RUFY2: variants seen among roughly 807,000 people sequenced by gnomAD.
The protein encoded by RUFY2 is RUN and FYVE domain containing 2.
In RUFY2, 49 loss-of-function variants were observed where a neutral mutation model predicts 94.4. That is an observed-to-expected ratio of 0.52 (90% confidence interval 0.41 to 0.66). The LOEUF (loss-of-function observed/expected upper bound fraction) is 0.66. RUFY2 is among the 30% of genes least tolerant of loss of function. RUFY2 has a pLI of 0.00. For synonymous variants in RUFY2, 255 were observed against 235.7 expected, an observed-to-expected ratio of 1.08 and a Z score of -0.75; for missense variants, 541 against 692.8, an observed-to-expected ratio of 0.78 and a Z score of 2.46.
intron 16 of RUFY2, among the ~76,000 whole-genome samples, chr10:68,348,668 T>C (rs1210416013): frequency 6.6e-6 from 1 of 152,144 alleles, no homozygotes; most frequent in Non-Finnish European, 1.5e-5. Flanking sequence ...GAAACAACCT[T>C]GCTGACATGG....
At chr10:68,390,390 A>C (rs2132999804) in intron 7 of RUFY2, among the ~76,000 whole-genome samples, 1 of 152,294 alleles carries the variant, frequency 6.6e-6, no homozygotes, top group East Asian at 1.9e-4. Flanking sequence ...TAATCCTATC[A>C]CCCAGAGAAT....
chr10:68,369,669 C>G (rs2048117423), intron 13 of RUFY2, among the ~76,000 whole-genome samples: 1 of 152,062 alleles, frequency 6.6e-6, no homozygotes, highest in South Asian at 2.1e-4. Context: ...CACCTGTAAT[C>G]CAAGCACTTT....
At chr10:68,360,821 C>A (rs1335196147) in intron 15 of RUFY2, among the ~76,000 whole-genome samples, 1 of 151,756 alleles carries the variant, frequency 6.6e-6, no homozygotes, top group African/African-American at 2.4e-5. Context: ...ATTTTCAAAC[C>A]CAGTAAGTGG....
intron 3 of RUFY2, among the ~76,000 whole-genome samples, chr10:68,399,014 A>G (rs894515503): frequency 1.3e-5 from 2 of 152,060 alleles, no homozygotes; most frequent in Admixed American, 6.6e-5. Flanking sequence ...ATCAATTGTG[A>G]ACAAATATCA....
intron 13 of RUFY2, among the ~76,000 whole-genome samples, chr10:68,375,264 G>A (rs2048548184): frequency 7.4e-6 from 1 of 135,608 alleles, no homozygotes; most frequent in Non-Finnish European, 1.5e-5. Flanking sequence ...TAAATGATAA[G>A]AACTTACGAA....
intron 7 of RUFY2, among the ~76,000 whole-genome samples, chr10:68,387,726 C>A (rs570265417): frequency 6.0e-5 from 8 of 132,512 alleles, no homozygotes; most frequent in African/African-American, 1.8e-4. Flanking sequence ...TAAAACCAGC[C>A]AGGCACAGTG....
chr10:68,358,886 G>A lies in RUFY2; in HGVS notation c.1551-3485C>T, dbSNP rs149119152. ...AGATCACGCCACTGCACTCCAGCCTGGGCGACAGAGCAACACTCGGTCTTA... is the reference window on the plus strand; with the variant it reads ...AGATCACGCCACTGCACTCCAGCCTAGGCGACAGAGCAACACTCGGTCTTA... On this transcript the variant is annotated intron_variant, in intron 15 of 17. Coordinates refer to ENST00000602465, the MANE Select transcript of RUFY2 (RefSeq NM_001330103.2). Among the ~76,000 whole-genome samples, 770 of 152,192 alleles carry A rather than the reference G, an allele frequency of 5.1e-3. 4 individuals carry two copies. Among genetic ancestry groups the A allele is most frequent in the African/African-American group, 0.017 (716 of 41,538 alleles).
At chr10:68,387,145 T>G (rs2049564526) in intron 7 of RUFY2, among the ~76,000 whole-genome samples, 1 of 151,838 alleles carries the variant, frequency 6.6e-6, no homozygotes, top group Non-Finnish European at 1.5e-5. Context: ...TCACCTGAAG[T>G]CAGGAGTTGG....
chr10:68,386,767 C>G (rs1374885043), intron 7 of RUFY2, among the ~76,000 whole-genome samples: 1 of 152,142 alleles, frequency 6.6e-6, no homozygotes, highest in Non-Finnish European at 1.5e-5. Context: ...AAAGGATGAG[C>G]TTTAAATGTC....
At chr10:68,363,493 T>G in intron 15 of RUFY2, 97 bp downstream of exon 15, 1 of 760,318 alleles carries the variant, frequency 1.3e-6, no homozygotes, top group Non-Finnish European at 2.1e-6. Flanking sequence ...TTCGTATCTT[T>G]CCTATATTTA....
chr10:68,383,436 T>C (rs1250672359), intron 10 of RUFY2, among the ~76,000 whole-genome samples: 3 of 151,988 alleles, frequency 2.0e-5, no homozygotes, highest in Admixed American at 6.6e-5. Context: ...CTGGCCAACA[T>C]GGTGAAACCC....
intron 7 of RUFY2, among the ~76,000 whole-genome samples, chr10:68,388,342 A>G (rs570182936): frequency 1.3e-5 from 2 of 152,114 alleles, no homozygotes; most frequent in East Asian, 3.9e-4. Context: ...ACGTGTCTGT[A>G]ATCCCAGCTA....
downstream of RUFY2, chr10:68,341,868 C>G: frequency 6.2e-7 from 1 of 1,600,600 alleles, no homozygotes; most frequent in Non-Finnish European, 8.6e-7. Flanking sequence ...ATCTCTAGTT[C>G]AGTTTGTGTT....
chr10:68,364,583 A>T (rs2047671972), intron 13 of RUFY2, among the ~76,000 whole-genome samples: 1 of 152,202 alleles, frequency 6.6e-6, no homozygotes, highest in African/African-American at 2.4e-5. Context: ...CGGCAAAATC[A>T]GCCCTGTTGC....
chr10:68,356,229 C>T (rs1306209866), intron 15 of RUFY2, among the ~76,000 whole-genome samples: 2 of 151,652 alleles, frequency 1.3e-5, no homozygotes, highest in African/African-American at 2.4e-5. Flanking sequence ...GTGAGCCAGG[C>T]GCGGTGGCTC....
chr10:68,359,293 T>TGTATATATACATATATAC (rs544203987), intron 15 of RUFY2, among the ~76,000 whole-genome samples: 10 of 148,672 alleles, frequency 6.7e-5, no homozygotes, highest in East Asian at 2.0e-4. Flanking sequence ...CAGGAGATTT[T>TGTATATATACATATATAC]GTATATATAC....
Position 68,344,116 on chromosome 10 carries a change from C to A in RUFY2, c.*1652G>T, listed in dbSNP as rs1048248701. The A allele has an allele frequency of 2.0e-5, 3 of 152,154 alleles. No individual in the cohort carries two copies. Among genetic ancestry groups the A allele is most frequent in the Admixed American group, 1.3e-4 (2 of 15,276 alleles). 9.4% of individuals were successfully genotyped at this position (152,154 alleles called of 1,614,324 possible). The stretch of plus-strand genomic sequence containing the variant: ...CATTTCTGTCAGTATTCAAGAAAGA[C>A]CATCTAGAAATCTGTGTCACATCTG... On this transcript the variant is annotated 3_prime_UTR_variant, in exon 18 of 18. Transcript: ENST00000602465.
intron 13 of RUFY2, among the ~76,000 whole-genome samples, chr10:68,367,820 A>C (rs2047967202): frequency 7.2e-6 from 1 of 139,664 alleles, no homozygotes; most frequent in African/African-American, 2.7e-5. Flanking sequence ...GGCTGGTCTT[A>C]AACTCCTGGC....
chr10:68,381,511 A>T (rs1279380107), intron 10 of RUFY2, 112 bp from the exon 11 acceptor site: 1 of 956,840 alleles, frequency 1.0e-6, no homozygotes, highest in African/African-American at 1.6e-5. Flanking sequence ...TAAGTCCACT[A>T]AAGGGAATCA....
Sources: gnomAD v4.1 joint callset for allele counts (sites outside exome capture counted in the v4.1 genomes callset) on GRCh38, gnomAD v4.1.1 for gene constraint, MANE v1.5 for transcripts, NCBI Gene and HGNC (gene_info 2026-07-23, HGNC 2026-07-21) for gene names.